The following SCN9A variants were observed in gnomAD, a reference collection of about 807,000 sequenced individuals.
SCN9A encodes sodium voltage-gated channel alpha subunit 9, also known as sodium channel protein type 9 subunit alpha.
Under a neutral mutation model 187.0 loss-of-function variants are expected in SCN9A, and 131 were observed. That is an observed-to-expected ratio of 0.70 (90% CI 0.61 to 0.81). The LOEUF (loss-of-function observed/expected upper bound fraction) is 0.81, where lower values mean the gene tolerates loss of function less well. SCN9A is among the 30% of genes least tolerant of loss of function. SCN9A has a pLI of 0.00. For missense variants in SCN9A, 2,252 were observed against 2,396.6 expected, an observed-to-expected ratio of 0.94 and a Z score of 1.26; for synonymous variants, 809 against 808.6, an observed-to-expected ratio of 1.00 and a Z score of -0.01.
chr2:166,228,543 C>T, intron 22 of SCN9A, 148 bp downstream of exon 22: 3 of 764,876 alleles, frequency 3.9e-6, no homozygotes. Flanking sequence ...AGGCATGAGC[C>T]ACTGCGCCCG....
intron 1 of SCN9A, among the ~76,000 whole-genome samples, chr2:166,348,916 G>A (rs1269441752): frequency 2.0e-5 from 3 of 151,916 alleles, no homozygotes; most frequent in Admixed American, 1.3e-4. Flanking sequence ...ACTTGAGGTC[G>A]GAAGTTCAAG....
At chr2:166,344,252 C>A (rs1160880938) in intron 1 of SCN9A, among the ~76,000 whole-genome samples, 1 of 151,920 alleles carries the variant, frequency 6.6e-6, no homozygotes, top group Non-Finnish European at 1.5e-5. Flanking sequence ...ATTAATAATA[C>A]TAAAAAGCCT....
Position 166,272,894 on chromosome 2 carries a change from AG to A in SCN9A, c.2875-20del, listed in dbSNP as rs200888489. The A allele has an allele frequency of 2.9e-5, 35 of 1,202,516 alleles. No homozygotes were observed. The East Asian group carries it at 8.3e-4, about 29-fold the overall frequency. 74.5% of individuals were successfully genotyped at this position (1,202,516 alleles called of 1,614,324 possible). On this transcript the variant is annotated intron_variant, in intron 16 of 26. Transcript: ENST00000642356. ...TTAGGACCTATATCAGGGTGGGGAG[AG>A]GGGGTAGAGAAATAGGGAGACAGGA...
intron 1 of SCN9A, among the ~76,000 whole-genome samples, chr2:166,354,262 G>C (rs1333193632): frequency 2.0e-5 from 3 of 152,034 alleles, no homozygotes; most frequent in African/African-American, 7.3e-5. Flanking sequence ...AAAAATATAA[G>C]GATTCTGCTA....
rs1352188052 is a variant in SCN9A at position 166,288,532 on chromosome 2, C to A, written c.1219G>T (p.Glu407Ter). Reference sequence around the variant, plus strand: ...TCTTCAATGTTTGCCTGGTTCTGTTCTTCATATGCCATGGCAACCACAGCC... The same window carrying A: ...TCTTCAATGTTTGCCTGGTTCTGTTATTCATATGCCATGGCAACCACAGCC... ...ILAVVAMAYEEQNQANIEEAK... is the reference protein window; with the variant it reads ...ILAVVAMAYE The change falls in exon 10 of 27, where the codon GAA becomes TAA. Residue 407 changes from glutamate (E) to a stop codon, truncating the protein, a stop_gained. Transcript: ENST00000642356. LOFTEE classifies it high-confidence loss of function. 1 of 1,613,142 alleles carries A rather than the reference C, an allele frequency of 6.2e-7. No homozygotes were observed. Among genetic ancestry groups the A allele is most frequent in the Non-Finnish European group, 8.5e-7 (1 of 1,179,370 alleles).
chr2:166,308,926 A>AG (rs1491142239), intron 2 of SCN9A, among the ~76,000 whole-genome samples: 1 of 22,134 alleles, frequency 4.5e-5, no homozygotes, highest in African/African-American at 8.3e-4. Context: ...ACTCTGTCTC[A>AG]AAAAAAAAAA....
Position 166,278,161 on chromosome 2 carries a change from T to C in SCN9A, c.2496A>G (p.Ser832=). 3.7e-6 allele frequency: 6 copies of C among 1,612,962 alleles called. No homozygotes were observed. The highest frequency in any genetic ancestry group is 5.1e-6 in the Non-Finnish European group (6 of 1,179,552). ...TTACCAGTCTGAATGATCGCAGAAC[T>C]GACAATCCTTCCACATCTGCTAGAA... is the stretch of plus-strand genomic sequence containing the variant. ...ELFLADVEGL[S]VLRSFRLLRV... The change falls in exon 15 of 27, where the codon TCA becomes TCG. Residue 832 remains serine, a synonymous_variant. Coordinates refer to ENST00000642356, the MANE Select transcript of SCN9A (RefSeq NM_001365536.1).
rs78998616 is a variant in SCN9A at position 166,335,064 on chromosome 2, G to C, written c.-50-23258C>G. On this transcript the variant is annotated intron_variant, in intron 1 of 26. Transcript: ENST00000642356. Reference sequence around the variant, plus strand: ...GTATGCTGCACAAAGAGCTTCAAAAGGAGTTTTTCTTTGTTTAATGCACAT... The same window carrying C: ...GTATGCTGCACAAAGAGCTTCAAAACGAGTTTTTCTTTGTTTAATGCACAT... Among the ~76,000 whole-genome samples, 4 of 152,200 alleles carry C rather than the reference G, an allele frequency of 2.6e-5. No homozygotes were observed. In the East Asian group the frequency reaches 7.7e-4, roughly 29 times the overall value.
intron 1 of SCN9A, among the ~76,000 whole-genome samples, chr2:166,337,998 G>A (rs1003229140): frequency 6.6e-6 from 1 of 152,100 alleles, no homozygotes; most frequent in African/African-American, 2.4e-5. Flanking sequence ...AAGGAAATAA[G>A]AAGAGGTCTA....
intron 17 of SCN9A, among the ~76,000 whole-genome samples, chr2:166,254,127 C>A (rs1696165180): frequency 6.6e-6 from 1 of 150,686 alleles, no homozygotes; most frequent in Non-Finnish European, 1.5e-5. Flanking sequence ...TTTTAATGGT[C>A]AATTGAATTC....
intron 21 of SCN9A, among the ~76,000 whole-genome samples, 189 bp from the exon 22 acceptor site, chr2:166,229,161 A>G (rs929218668): frequency 3.9e-5 from 6 of 152,210 alleles, no homozygotes; most frequent in African/African-American, 1.2e-4. Context: ...CAAGCAAGAC[A>G]AAATAAGACA....
At chr2:166,322,473 T>C (rs1252738229) in intron 1 of SCN9A, among the ~76,000 whole-genome samples, 2 of 152,264 alleles carry the variant, frequency 1.3e-5, no homozygotes, top group East Asian at 1.9e-4. Context: ...GATTCCTAGT[T>C]TGAAAAATTG....
At chr2:166,362,103 T>G (rs1700299363) in intron 1 of SCN9A, among the ~76,000 whole-genome samples, 1 of 152,124 alleles carries the variant, frequency 6.6e-6, no homozygotes, top group Non-Finnish European at 1.5e-5. Context: ...ATGAAGACAT[T>G]GTTTGAGAAT....
rs1389373425 is a variant in SCN9A at position 166,311,689 on chromosome 2, A to G, written c.68T>C (p.Ile23Thr). 5 of 1,613,060 alleles carry G rather than the reference A, an allele frequency of 3.1e-6. No individual in the cohort carries two copies. The highest frequency in any genetic ancestry group is 2.7e-5 in the African/African-American group (2 of 74,780). ...VHFTKQSLAL[I>T]EQRIAERKSK... ...TTTTCTTTCAGCAATGCGTTGTTCA[A>G]TGAGGGCAAGAGACTGTTTTGTGAA... Residue 23 changes from isoleucine (I) to threonine (T), a missense_variant, in exon 2 of 27, where the codon ATT (isoleucine) becomes ACT (threonine). By Grantham distance (89) the Ile-to-Thr change is moderately conservative. Coordinates refer to ENST00000642356, the MANE Select transcript of SCN9A (RefSeq NM_001365536.1).
chr2:166,375,649 G>T (rs1006928705), intron 1 of SCN9A, 48 bp downstream of exon 1: 3 of 152,340 alleles, frequency 2.0e-5, no homozygotes, highest in African/African-American at 7.2e-5. Context: ...AAAGACCGAG[G>T]GCTTCTCCTC....
intron 1 of SCN9A, among the ~76,000 whole-genome samples, chr2:166,372,056 A>AG (rs1324404030): frequency 6.6e-6 from 1 of 150,978 alleles, no homozygotes; most frequent in Non-Finnish European, 1.5e-5. Context: ...GCAAAAATAA[A>AG]GGGGGGAGGC....
intron 13 of SCN9A, among the ~76,000 whole-genome samples, chr2:166,281,332 C>T (rs1490987739): frequency 1.3e-5 from 2 of 152,126 alleles, no homozygotes; most frequent in African/African-American, 2.4e-5. Flanking sequence ...GTGACAGAAT[C>T]ACGTAGCTCT....
At chr2:166,247,059 G>A (rs767758691) in intron 18 of SCN9A, among the ~76,000 whole-genome samples, 6 of 147,072 alleles carry the variant, frequency 4.1e-5, no homozygotes, top group Non-Finnish European at 7.4e-5. Flanking sequence ...GGGTCCCAGT[G>A]AGTAAATGCT....
At chr2:166,218,695 C>G (rs1197589801) in intron 24 of SCN9A, among the ~76,000 whole-genome samples, 4 of 151,976 alleles carry the variant, frequency 2.6e-5, no homozygotes, top group Admixed American at 6.6e-5. Flanking sequence ...AAAGCAACTG[C>G]AACAAAAACA....
Sources: allele counts gnomAD v4.1 joint callset (sites outside exome capture counted in the v4.1 genomes callset), GRCh38; gene constraint gnomAD v4.1.1; transcripts MANE v1.5; gene names NCBI Gene and HGNC (gene_info 2026-07-23, HGNC 2026-07-21).